RPRD1A: variants seen among roughly 807,000 people sequenced by gnomAD.
The protein encoded by RPRD1A is regulation of nuclear pre-mRNA domain-containing protein 1A.
A neutral mutation model predicts 37.8 loss-of-function variants in RPRD1A; 9 were observed. That is an observed-to-expected ratio of 0.24 (90% confidence interval 0.14 to 0.42). RPRD1A has a LOEUF of 0.42. RPRD1A is among the 10% of genes least tolerant of loss of function. The probability of loss-of-function intolerance (pLI) is 1.00; values close to 1 mark genes in which losing one functional copy is unlikely to be tolerated. For synonymous variants in RPRD1A, 138 were observed against 139.7 expected (o/e 0.99, Z 0.08); for missense variants, 255 against 371.0 (o/e 0.69, Z 2.57).
rs2144335415 is a variant in RPRD1A at position 36,040,732 on chromosome 18, A to G, written c.152-6895T>C. The stretch of plus-strand genomic sequence containing the variant: ...ATGCAGTACCTCCTTACCCACATCT[A>G]ATCATCCCTAAAAATTTCTAAGCTT... On this transcript the variant is annotated intron_variant, in intron 1 of 6. Coordinates refer to ENST00000399022, the MANE Select transcript of RPRD1A (RefSeq NM_018170.5). 3.6e-6 allele frequency: 3 copies of G among 837,348 alleles called. No homozygotes were observed. The East Asian group carries it at 8.5e-5, about 24-fold the overall frequency. 51.9% of individuals were successfully genotyped at this position (837,348 alleles called of 1,614,324 possible). A position where few individuals can be genotyped will look rare whatever the true frequency, so the allele number is the denominator to read the frequency against.
At chr18:36,041,274 T>G (rs761790505) in intron 1 of RPRD1A, among the ~76,000 whole-genome samples, 1 of 152,214 alleles carries the variant, frequency 6.6e-6, no homozygotes, top group Non-Finnish European at 1.5e-5. Context: ...CACTTCCTCT[T>G]AAGTATGGCT....
intron 6 of RPRD1A, among the ~76,000 whole-genome samples, chr18:36,014,594 T>G (rs1337016561): frequency 6.6e-6 from 1 of 151,930 alleles, no homozygotes; most frequent in Non-Finnish European, 1.5e-5. Context: ...CAAAAAACAA[T>G]TAGCCGGGTG....
chr18:35,991,636 A>G lies in RPRD1A; in HGVS notation c.*1515T>C, dbSNP rs1345289143. The G allele has an allele frequency of 6.6e-6, 1 of 152,238 alleles. No homozygotes were observed. The allele number at this position is 152,238 out of a possible 1,614,324, so 9.4% of individuals were successfully genotyped here. A position where few individuals can be genotyped will look rare whatever the true frequency, so the allele number is the denominator to read the frequency against. ...CCCAAAAGTTGACTAAAAACTTTGG[A>G]ATAAGCCATGTATTATTAGTAGTGC... On this transcript the variant is annotated 3_prime_UTR_variant, in exon 7 of 7. Transcript: ENST00000399022.
At chr18:36,057,281 C>T (rs1211956465) in intron 1 of RPRD1A, among the ~76,000 whole-genome samples, 2 of 151,266 alleles carry the variant, frequency 1.3e-5, no homozygotes, top group East Asian at 3.9e-4. Context: ...ATACACACAC[C>T]TTAAGTCACT....
intron 1 of RPRD1A, among the ~76,000 whole-genome samples, chr18:36,035,073 G>C (rs1912095022): frequency 6.6e-6 from 1 of 152,144 alleles, no homozygotes; most frequent in Admixed American, 6.5e-5. Flanking sequence ...TGGTTTTCAG[G>C]CTCCTTGTCT....
chr18:36,004,615 T>C (rs116524365), intron 6 of RPRD1A, among the ~76,000 whole-genome samples: 2,007 of 152,140 alleles, frequency 0.013, 40 homozygotes, highest in African/African-American at 0.046. Context: ...TTTCAATAGG[T>C]CCAACAAGTA....
intron 1 of RPRD1A, among the ~76,000 whole-genome samples, chr18:36,048,902 C>A (rs1221979825): frequency 1.3e-5 from 2 of 152,162 alleles, no homozygotes; most frequent in East Asian, 3.9e-4. Flanking sequence ...TGAAAAAAAA[C>A]GTTTACAGCT....
In RPRD1A at chr18:36,027,340, T is replaced by C. The variant is rs184447841; in HGVS notation, c.487-30A>G. 5 of 1,611,398 alleles carry C rather than the reference T, an allele frequency of 3.1e-6. No homozygotes were observed. In the East Asian group the frequency reaches 1.1e-4, roughly 36 times the overall value. ...AAAGTACACAACTTCAGAACCAAAA[T>C]AAATTGAGCTTAAACAAGTGCAAAA... On this transcript the variant is annotated intron_variant, in intron 4 of 6. Transcript: ENST00000399022.
intron 1 of RPRD1A, among the ~76,000 whole-genome samples, chr18:36,034,686 A>G (rs1912065338): frequency 2.0e-5 from 3 of 152,342 alleles, no homozygotes; most frequent in African/African-American, 2.4e-5. Context: ...TGGCATCCAT[A>G]GTACAGTGGT....
intron 6 of RPRD1A, among the ~76,000 whole-genome samples, chr18:36,010,566 A>G (rs28729782): frequency 0.34 from 52,249 of 152,098 alleles, 9,042 homozygotes; most frequent in Non-Finnish European, 0.36. Flanking sequence ...AGGGTAGGAC[A>G]TCAATGTCTT....
chr18:36,021,991 A>C (rs1248501448), intron 6 of RPRD1A, among the ~76,000 whole-genome samples: 1 of 152,174 alleles, frequency 6.6e-6, no homozygotes, highest in Non-Finnish European at 1.5e-5. Context: ...AGAGTGACAC[A>C]ATATCTCAAA....
intron 1 of RPRD1A, among the ~76,000 whole-genome samples, chr18:36,062,323 C>CAAAAAAAAAAA (rs752980996): frequency 4.9e-5 from 2 of 40,614 alleles, no homozygotes; most frequent in Admixed American, 2.7e-4. Context: ...GACTCCGTCT[C>CAAAAAAAAAAA]AAAAAAAAAA....
At chr18:36,001,659 T>C (rs1207340352) in intron 6 of RPRD1A, among the ~76,000 whole-genome samples, 3 of 152,140 alleles carry the variant, frequency 2.0e-5, no homozygotes, top group Non-Finnish European at 4.4e-5. Flanking sequence ...ATCCTCCATA[T>C]CTGAGCAGAG....
At chr18:36,044,163 C>T (rs965239109) in intron 1 of RPRD1A, among the ~76,000 whole-genome samples, 4 of 151,840 alleles carry the variant, frequency 2.6e-5, no homozygotes, top group African/African-American at 7.3e-5. Context: ...GGAAGAGGAG[C>T]GGTTGGTCTT....
At chr18:36,012,892 G>A (rs187451127) in intron 6 of RPRD1A, among the ~76,000 whole-genome samples, 73 of 152,252 alleles carry the variant, frequency 4.8e-4, no homozygotes, top group Non-Finnish European at 8.8e-4. Context: ...ATATAGGTCC[G>A]AACATTCCTA....
At chr18:36,056,357 G>A (rs956211509) in intron 1 of RPRD1A, among the ~76,000 whole-genome samples, 3 of 151,498 alleles carry the variant, frequency 2.0e-5, no homozygotes, top group Non-Finnish European at 2.9e-5. Context: ...GCACAATCTC[G>A]GCTCACTGCA....
chr18:35,999,550 CATA>C (rs1233146044), intron 6 of RPRD1A, among the ~76,000 whole-genome samples: 5 of 152,118 alleles, frequency 3.3e-5, no homozygotes, highest in Non-Finnish European at 5.9e-5. Flanking sequence ...GCTTTAAATA[CATA>C]ATATTTCTGA....
intron 1 of RPRD1A, among the ~76,000 whole-genome samples, chr18:36,035,515 T>C (rs1912126100): frequency 1.3e-5 from 2 of 152,310 alleles, no homozygotes; most frequent in South Asian, 4.1e-4. Flanking sequence ...AAATCCCTCT[T>C]AACAACTAGA....
chr18:36,022,284 T>C (rs1911046465), intron 6 of RPRD1A, among the ~76,000 whole-genome samples: 1 of 152,202 alleles, frequency 6.6e-6, no homozygotes, highest in South Asian at 2.1e-4. Flanking sequence ...CAGCAAGGGC[T>C]GAACTAAGAA....
Sources: allele counts gnomAD v4.1 joint callset (sites outside exome capture counted in the v4.1 genomes callset), GRCh38; gene constraint gnomAD v4.1.1; transcripts MANE v1.5; gene names NCBI Gene and HGNC (gene_info 2026-07-23, HGNC 2026-07-21).